The following NRXN3 variants were observed in gnomAD, a reference collection of about 807,000 sequenced individuals.
The protein encoded by NRXN3 is neurexin III.
In NRXN3, 32 loss-of-function variants were observed where a neutral mutation model predicts 137.6. That is an observed-to-expected ratio of 0.23 (90% CI 0.18 to 0.31). The LOEUF (loss-of-function observed/expected upper bound fraction) is 0.31, where lower values mean the gene tolerates loss of function less well. Among genes scored for constraint, NRXN3 ranks in the 10% least tolerant of loss-of-function variants. NRXN3 has a pLI of 1.00. For synonymous variants in NRXN3, 798 were observed against 784.5 expected (o/e 1.02, Z -0.29); for missense variants, 1,574 against 2,062.5 (o/e 0.76, Z 4.59).
intron 1 of NRXN3, among the ~76,000 whole-genome samples, chr14:78,171,738 TA>T (rs35449641): frequency 2.7e-5 from 4 of 150,656 alleles, no homozygotes; most frequent in Non-Finnish European, 5.9e-5. Context: ...GATTACTTGT[TA>T]AAAAAAAATA....
chr14:79,172,295 G>A (rs1327069126), intron 15 of NRXN3, among the ~76,000 whole-genome samples: 2 of 151,622 alleles, frequency 1.3e-5, no homozygotes. Flanking sequence ...CTTACTTGTA[G>A]AATGGAGAAA....
intron 15 of NRXN3, among the ~76,000 whole-genome samples, chr14:79,167,512 C>T (rs918109571): frequency 2.0e-5 from 3 of 152,060 alleles, no homozygotes; most frequent in Non-Finnish European, 4.4e-5. Context: ...ATTTCAGATA[C>T]TCAGGAAGGC....
At chr14:78,606,146 A>G (rs1480703341) in intron 4 of NRXN3, among the ~76,000 whole-genome samples, 1 of 152,182 alleles carries the variant, frequency 6.6e-6, no homozygotes, top group African/African-American at 2.4e-5. Context: ...AAAATCAAAG[A>G]CATCTGTTCC....
chr14:78,832,760 T>C lies in NRXN3; in HGVS notation c.2275+22416T>C, dbSNP rs551376456. ...ATAATAATGCCAAATACTGGAATCA[T>C]AGAAAACTGAGTATTCTTATCGGTA... On this transcript the variant is annotated intron_variant, in intron 10 of 20. Coordinates refer to ENST00000335750, the MANE Select transcript of NRXN3 (RefSeq NM_001330195.2). Among the ~76,000 whole-genome samples the C allele has an allele frequency of 1.2e-4, 18 of 152,324 alleles. No individual in the cohort carries two copies. The South Asian group carries it at 2.7e-3, about 23-fold the overall frequency.
At chr14:79,434,141 T>G (rs943506383) in intron 15 of NRXN3, among the ~76,000 whole-genome samples, 2 of 152,126 alleles carry the variant, frequency 1.3e-5, no homozygotes, top group African/African-American at 4.8e-5. Context: ...GGCCAGACTT[T>G]TAGATGATAA....
intron 15 of NRXN3, among the ~76,000 whole-genome samples, chr14:79,458,250 A>C (rs751213353): frequency 6.6e-6 from 1 of 152,192 alleles, no homozygotes; most frequent in Non-Finnish European, 1.5e-5. Flanking sequence ...CTTATCTGAG[A>C]CTGCCAAAAA....
At chr14:78,542,702 C>G (rs1039160354) in intron 4 of NRXN3, among the ~76,000 whole-genome samples, 20 of 152,198 alleles carry the variant, frequency 1.3e-4, no homozygotes, top group African/African-American at 4.6e-4. Flanking sequence ...CACCCACTGT[C>G]TAACCAGTCC....
intron 14 of NRXN3, among the ~76,000 whole-genome samples, chr14:78,973,610 A>G (rs764738849): frequency 7.9e-5 from 12 of 152,204 alleles, no homozygotes; most frequent in Non-Finnish European, 1.2e-4. Flanking sequence ...ATACCCTATA[A>G]AATACCACAT....
intron 14 of NRXN3, among the ~76,000 whole-genome samples, chr14:78,971,441 T>TATATATATAC (rs71131669): frequency 2.1e-5 from 3 of 142,626 alleles, no homozygotes; most frequent in Middle Eastern, 7.4e-3. Context: ...TATATATATA[T>TATATATATAC]ACACACACAC....
At chr14:79,551,501 AT>A (rs1221214861) in intron 16 of NRXN3, among the ~76,000 whole-genome samples, 16 of 152,188 alleles carry the variant, frequency 1.1e-4, no homozygotes, top group African/African-American at 3.9e-4. Context: ...ATTTCTCTGA[AT>A]TTCTGGTCCT....
At chr14:78,221,362 G>A (rs1229753225) in intron 1 of NRXN3, among the ~76,000 whole-genome samples, 4 of 152,096 alleles carry the variant, frequency 2.6e-5, no homozygotes, top group African/African-American at 9.7e-5. Flanking sequence ...AGTCCAGGTC[G>A]GTGATAAGGG....
At chr14:78,447,754 T>C (rs1369322176) in intron 4 of NRXN3, among the ~76,000 whole-genome samples, 2 of 152,252 alleles carry the variant, frequency 1.3e-5, no homozygotes, top group Non-Finnish European at 2.9e-5. Flanking sequence ...AAATGGAGTC[T>C]GTGGGTTTAA....
chr14:79,280,662 A>C, intron 15 of NRXN3: 1 of 1,021,976 alleles, frequency 9.8e-7, no homozygotes, highest in Non-Finnish European at 1.4e-6. Flanking sequence ...GATGAAAAGC[A>C]TCGTATGTCC....
chr14:79,855,756 G>A (rs1272118912), intron 20 of NRXN3, among the ~76,000 whole-genome samples: 2 of 152,106 alleles, frequency 1.3e-5, no homozygotes, highest in Admixed American at 1.3e-4. Context: ...TTAGTAACTA[G>A]CATTTCTGAA....
At chr14:79,686,349 G>GT (rs2098694871) in intron 17 of NRXN3, among the ~76,000 whole-genome samples, 1 of 152,228 alleles carries the variant, frequency 6.6e-6, no homozygotes, top group Admixed American at 6.5e-5. Flanking sequence ...ACTGAAAAAG[G>GT]TTTTGGAAGG....
chr14:79,463,271 G>T (rs185373809), intron 15 of NRXN3, among the ~76,000 whole-genome samples: 142 of 152,216 alleles, frequency 9.3e-4, no homozygotes, highest in Non-Finnish European at 1.1e-3. Flanking sequence ...TAATTAGCTT[G>T]TTCCGTAACT....
At chr14:78,442,921 G>A (rs548723201) in intron 4 of NRXN3, among the ~76,000 whole-genome samples, 22 of 152,170 alleles carry the variant, frequency 1.4e-4, no homozygotes, top group African/African-American at 2.9e-4. Flanking sequence ...ACCTCATTGC[G>A]TTTTGTATTT....
At chr14:79,451,829 A>T (rs569565459) in intron 15 of NRXN3, among the ~76,000 whole-genome samples, 1 of 152,316 alleles carries the variant, frequency 6.6e-6, no homozygotes, top group East Asian at 1.9e-4. Flanking sequence ...AAGTTTCTTG[A>T]TCTGCACCGT....
chr14:79,828,395 G>A (rs1028148085), intron 20 of NRXN3, among the ~76,000 whole-genome samples: 50 of 152,022 alleles, frequency 3.3e-4, no homozygotes, highest in Admixed American at 2.9e-3. Context: ...TGAGGTGGGC[G>A]GATCACCTGA....
Sources: gnomAD v4.1 joint callset for allele counts (sites outside exome capture counted in the v4.1 genomes callset) on GRCh38, gnomAD v4.1.1 for gene constraint, MANE v1.5 for transcripts, NCBI Gene and HGNC (gene_info 2026-07-23, HGNC 2026-07-21) for gene names.